MYOF: variants seen among roughly 807,000 people sequenced by gnomAD.
MYOF encodes myoferlin, also known as fer-1-like 3, myoferlin.
MYOF carries 244 observed loss-of-function variants against 284.2 expected under a neutral mutation model. That is an observed-to-expected ratio of 0.86 (90% CI 0.77 to 0.95). MYOF has a LOEUF of 0.95. Ranked by LOEUF, MYOF falls within the 40% of genes least tolerant of loss-of-function variation. MYOF has a pLI of 0.00. For missense variants in MYOF, 2,496 were observed against 2,560.6 expected (o/e 0.97, Z 0.54); for synonymous variants, 904 against 919.7 (o/e 0.98, Z 0.31).
chr10:93,433,801 C>G (rs536123291), intron 3 of MYOF, among the ~76,000 whole-genome samples: 1 of 152,340 alleles, frequency 6.6e-6, no homozygotes, highest in South Asian at 2.1e-4. Context: ...AGCATAGGCA[C>G]ATCTTTTGGA....
intron 1 of MYOF, among the ~76,000 whole-genome samples, chr10:93,478,901 G>T (rs956072953): frequency 6.8e-6 from 1 of 146,586 alleles, no homozygotes; most frequent in Admixed American, 6.8e-5. Flanking sequence ...TAAACCAGTT[G>T]GTTGTCAGTA....
intron 17 of MYOF, among the ~76,000 whole-genome samples, chr10:93,391,539 G>T (rs777242924): frequency 6.6e-6 from 1 of 151,634 alleles, no homozygotes; most frequent in Admixed American, 6.6e-5. Flanking sequence ...AGGTTGCAGC[G>T]AACCAAGATC....
intron 3 of MYOF, among the ~76,000 whole-genome samples, chr10:93,437,639 G>T (rs572283760): frequency 6.6e-6 from 1 of 152,206 alleles, no homozygotes; most frequent in Non-Finnish European, 1.5e-5. Context: ...CCTGACTGGG[G>T]ACAAACACGA....
chr10:93,431,129 A>G (rs1417420522), intron 4 of MYOF, among the ~76,000 whole-genome samples: 1 of 151,416 alleles, frequency 6.6e-6, no homozygotes, highest in East Asian at 2.0e-4. Context: ...CCTGGGTTCA[A>G]GCGAGTCTCC....
chr10:93,369,258 GGT>G (rs553940736), intron 25 of MYOF, among the ~76,000 whole-genome samples: 5 of 113,186 alleles, frequency 4.4e-5, no homozygotes, highest in Admixed American at 9.7e-5. Context: ...CTCCTGGGTT[GGT>G]GTGTGTGTGT....
At chr10:93,346,412 T>C (rs1003076400) in intron 37 of MYOF, among the ~76,000 whole-genome samples, 1 of 152,256 alleles carries the variant, frequency 6.6e-6, no homozygotes, top group Non-Finnish European at 1.5e-5. Context: ...ATGAGGCTGT[T>C]CCAGCCCTCC....
At chr10:93,329,977 G>T in intron 43 of MYOF, 143 bp from the exon 44 acceptor site, 1 of 756,602 alleles carries the variant, frequency 1.3e-6, no homozygotes, top group Non-Finnish European at 2.2e-6. Flanking sequence ...GGTGGGTGGT[G>T]GTGGGTGGCT....
At position 93,372,715 on chromosome 10, in the gene MYOF, A is replaced by G. The variant is rs55841835; in HGVS notation, c.2457+215T>C. ...ATGCCATGTTTATATTAATGTCACA[A>G]AGACATCTAAGGAGGTGTCCTTGAT... On this transcript the variant is annotated intron_variant, in intron 24 of 53. Transcript: ENST00000359263. Among the ~76,000 whole-genome samples the G allele has an allele frequency of 6.0e-3, 917 of 152,318 alleles. 4 individuals are homozygous for G. Among genetic ancestry groups the G allele is most frequent in the Non-Finnish European group, 0.01 (689 of 68,026 alleles).
intron 3 of MYOF, among the ~76,000 whole-genome samples, chr10:93,433,636 A>T (rs1848972004): frequency 6.6e-6 from 1 of 152,258 alleles, no homozygotes; most frequent in South Asian, 2.1e-4. Flanking sequence ...ACTGTAATTG[A>T]ACATTTCTAT....
intron 9 of MYOF, 66 bp from the exon 10 acceptor site, chr10:93,402,956 G>T: frequency 7.4e-7 from 1 of 1,345,660 alleles, no homozygotes; most frequent in Admixed American, 1.8e-5. Flanking sequence ...CTTTAAAGAA[G>T]CCATCATTAT....
chr10:93,440,881 G>T (rs1427452190), intron 3 of MYOF, among the ~76,000 whole-genome samples: 1 of 152,156 alleles, frequency 6.6e-6, no homozygotes, highest in Admixed American at 6.5e-5. Context: ...GATCTTAACA[G>T]ATACCAACAG....
chr10:93,447,261 CCAGA>C (rs1334549623), intron 3 of MYOF, among the ~76,000 whole-genome samples: 1 of 152,156 alleles, frequency 6.6e-6, no homozygotes, highest in Non-Finnish European at 1.5e-5. Flanking sequence ...GCTGAAAGAG[CCAGA>C]CAGACTCCAT....
intron 11 of MYOF, among the ~76,000 whole-genome samples, chr10:93,401,822 TGTGTGTGTGA>T (rs148172337): frequency 0.54 from 69,882 of 129,266 alleles, 18,353 homozygotes; most frequent in Middle Eastern, 0.67. Flanking sequence ...TGTGTGTGTG[TGTGTGTGTGA>T]TCCTGATGTC....
chr10:93,447,977 G>A (rs1312681213), intron 3 of MYOF, among the ~76,000 whole-genome samples: 1 of 152,180 alleles, frequency 6.6e-6, no homozygotes, highest in Non-Finnish European at 1.5e-5. Flanking sequence ...ATAAGCAAAA[G>A]CTTTTAACGG....
rs527387936 is a variant in MYOF, at chr10:93,406,238, C to T, written c.730-2019G>A. Among the ~76,000 whole-genome samples, 181 of 135,798 alleles carry T rather than the reference C, an allele frequency of 1.3e-3. 1 individual carries two copies. The highest frequency in any genetic ancestry group is 2.4e-3 in the Non-Finnish European group (154 of 63,256). The allele number at this position is 135,798 out of a possible 152,430, so 89.1% of individuals were successfully genotyped here. ...CCTCCCAAAGTGCCAGTATTACAGG[C>T]GTGAGCCACCACGCCTGGCCAGGCT... is the stretch of plus-strand genomic sequence containing the variant. On this transcript the variant is annotated intron_variant, in intron 7 of 53. Transcript: ENST00000359263.
intron 16 of MYOF, among the ~76,000 whole-genome samples, chr10:93,395,622 GGCTATCAAT>G (rs144289835): frequency 0.088 from 13,431 of 151,994 alleles, 855 homozygotes; most frequent in African/African-American, 0.17. Context: ...ACAATGTGTT[GGCTATCAAT>G]GCTTGTCAGA....
At chr10:93,457,204 T>C (rs1490871345) in intron 1 of MYOF, among the ~76,000 whole-genome samples, 1 of 152,216 alleles carries the variant, frequency 6.6e-6, no homozygotes, top group East Asian at 1.9e-4. Context: ...CCAGAGCCTC[T>C]GCATCTCTGG....
intron 19 of MYOF, among the ~76,000 whole-genome samples, chr10:93,385,032 C>A: frequency 6.6e-6 from 1 of 152,244 alleles, no homozygotes; most frequent in African/African-American, 2.4e-5. Flanking sequence ...GTGGGCCAGA[C>A]CAATGAGAGC....
intron 50 of MYOF, 126 bp downstream of exon 50, chr10:93,316,588 G>T: frequency 1.3e-6 from 1 of 797,108 alleles, no homozygotes; most frequent in Non-Finnish European, 2.1e-6. Flanking sequence ...TGTATCCCCT[G>T]TCCCCCCACC....
Sources: allele counts gnomAD v4.1 joint callset (sites outside exome capture counted in the v4.1 genomes callset), GRCh38; gene constraint gnomAD v4.1.1; transcripts MANE v1.5; gene names NCBI Gene and HGNC (gene_info 2026-07-23, HGNC 2026-07-21).